PXDN: variants seen among roughly 807,000 people sequenced by gnomAD.
PXDN encodes peroxidasin.
Under a neutral mutation model 140.3 loss-of-function variants are expected in PXDN, and 77 were observed. The observed-to-expected ratio is 0.55, with a 90% CI of 0.46 to 0.66. The LOEUF (loss-of-function observed/expected upper bound fraction) is 0.66, where lower values mean the gene tolerates loss of function less well. PXDN is among the 30% of genes least tolerant of loss of function. The pLI is 0.00. For missense variants in PXDN, 1,838 were observed against 2,039.5 expected (o/e 0.90, Z 1.90); for synonymous variants, 911 against 857.4 (o/e 1.06, Z -1.09).
At chr2:1,636,892 T>C (rs1030954788) in intron 21 of PXDN, 1 of 152,128 alleles carries the variant, frequency 6.6e-6, no homozygotes, top group African/African-American at 2.4e-5. Context: ...GTCACCAAGA[T>C]ACACGAACAC....
At chr2:1,659,990 G>A (rs541810160) in intron 14 of PXDN, among the ~76,000 whole-genome samples, 47 of 152,340 alleles carry the variant, frequency 3.1e-4, no homozygotes, top group African/African-American at 1.0e-3. Flanking sequence ...GCCAGCGCCT[G>A]CGGGGAGTGG....
chr2:1,739,215 G>A (rs554201720), intron 1 of PXDN, among the ~76,000 whole-genome samples: 12 of 152,260 alleles, frequency 7.9e-5, no homozygotes, highest in Middle Eastern at 3.4e-3. Context: ...CTTGTGCACT[G>A]AGTCACGCAT....
intron 17 of PXDN, among the ~76,000 whole-genome samples, chr2:1,645,504 GACC>G (rs1682830125): frequency 6.6e-6 from 1 of 152,050 alleles, no homozygotes; most frequent in Non-Finnish European, 1.5e-5. Flanking sequence ...TCAAATCAGT[GACC>G]ACCAACTGAA....
chr2:1,699,690 A>C (rs1684377024), intron 1 of PXDN, among the ~76,000 whole-genome samples: 1 of 152,212 alleles, frequency 6.6e-6, no homozygotes, highest in East Asian at 1.9e-4. Flanking sequence ...AGCCTGGGCA[A>C]CAAGAGCGAA....
At chr2:1,698,140 T>C (rs756108481) in intron 1 of PXDN, among the ~76,000 whole-genome samples, 9 of 152,244 alleles carry the variant, frequency 5.9e-5, no homozygotes, top group Non-Finnish European at 1.2e-4. Context: ...AAAGCACCAA[T>C]GACAGTAAGC....
intron 8 of PXDN, among the ~76,000 whole-genome samples, chr2:1,674,925 C>T (rs941982883): frequency 2.0e-5 from 3 of 152,216 alleles, no homozygotes; most frequent in African/African-American, 7.2e-5. Flanking sequence ...GCAGGAGGAG[C>T]AGCACCAGCA....
At chr2:1,718,995 G>T (rs1387993011) in intron 1 of PXDN, among the ~76,000 whole-genome samples, 1 of 152,228 alleles carries the variant, frequency 6.6e-6, no homozygotes, top group African/African-American at 2.4e-5. Flanking sequence ...GCACACCCAG[G>T]ACACGCTGAC....
chr2:1,692,698 A>AGCACTGT, intron 2 of PXDN: 1 of 448,968 alleles, frequency 2.2e-6, no homozygotes, highest in South Asian at 1.7e-5. Flanking sequence ...ACTCAGAAGA[A>AGCACTGT]GCACTGTCCT....
At chr2:1,727,710 C>A (rs1000279839) in intron 1 of PXDN, among the ~76,000 whole-genome samples, 1 of 152,248 alleles carries the variant, frequency 6.6e-6, no homozygotes, top group East Asian at 1.9e-4. Context: ...CCCTGTGAGT[C>A]AATCGCCGAG....
intron 6 of PXDN, among the ~76,000 whole-genome samples, chr2:1,681,529 G>T (rs754329747): frequency 1.3e-5 from 2 of 151,426 alleles, no homozygotes; most frequent in Non-Finnish European, 2.9e-5. Flanking sequence ...GGGCGGCAGC[G>T]TGAGGGCATC....
chr2:1,654,542 A>G, intron 14 of PXDN, 34 bp from the exon 15 acceptor site: 1 of 1,404,448 alleles, frequency 7.1e-7, no homozygotes, highest in Non-Finnish European at 1.0e-6. Flanking sequence ...TTACCAGGAA[A>G]AATACTGCAC....
intron 1 of PXDN, among the ~76,000 whole-genome samples, chr2:1,716,719 C>G (rs1433299416): frequency 6.6e-6 from 1 of 152,124 alleles, no homozygotes; most frequent in Non-Finnish European, 1.5e-5. Flanking sequence ...GGGCCTTATG[C>G]CCTGGTGGTA....
intron 21 of PXDN, among the ~76,000 whole-genome samples, chr2:1,638,589 T>G (rs1365184646): frequency 6.6e-6 from 1 of 152,148 alleles, no homozygotes; most frequent in Non-Finnish European, 1.5e-5. Flanking sequence ...GTCACCTGGC[T>G]GGCAGTCACA....
At position 1,685,246 on chromosome 2, in the gene PXDN, G is replaced by A. The variant is rs373298304; in HGVS notation, c.417-1095C>T. 1.8e-4 allele frequency among the ~76,000 whole-genome samples: 28 copies of A among 152,334 alleles called. 1 individual carries two copies. The highest frequency in any genetic ancestry group is 5.3e-4 in the African/African-American group (22 of 41,572). On this transcript the variant is annotated intron_variant, in intron 4 of 22. Transcript: ENST00000252804. The surrounding 1 kb of genome is among the most constrained non-coding windows in gnomAD (Gnocchi z 5.1). ...GCAGACCATCCCTGCCCCTTGCCCC[G>A]GGACAGGTCTGTGCTCAGCACTCCG...
rs968468907 is a variant in PXDN at position 1,739,100 on chromosome 2, C to T, written c.200+5156G>A. ...TCCATGGCCCCGGAAGGTAGTCATG[C>T]GCTCCAGACCCAGTGGCAAGGCCTC... is the stretch of plus-strand genomic sequence containing the variant. On this transcript the variant is annotated intron_variant, in intron 1 of 22. Transcript: ENST00000252804. Among the ~76,000 whole-genome samples the T allele has an allele frequency of 4.6e-5, 7 of 152,230 alleles. No homozygotes were observed. In the East Asian group the frequency reaches 7.7e-4, roughly 17 times the overall value.
At position 1,647,358 on chromosome 2, in the gene PXDN, C is replaced by T. The variant is rs575039073; in HGVS notation, c.3608+814G>A. 4.9e-3 allele frequency among the ~76,000 whole-genome samples: 745 copies of T among 152,300 alleles called. 6 individuals are homozygous for T. Among genetic ancestry groups the T allele is most frequent in the African/African-American group, 0.017 (714 of 41,548 alleles). ...GTTAATGAGAACCCCACTGTGGCACCGAGTCCTGGGAAGGGGACTGGCTAT... is the reference window on the plus strand; with the variant it reads ...GTTAATGAGAACCCCACTGTGGCACTGAGTCCTGGGAAGGGGACTGGCTAT... On this transcript the variant is annotated intron_variant, in intron 17 of 22. Coordinates refer to ENST00000252804, the MANE Select transcript of PXDN (RefSeq NM_012293.3).
intron 1 of PXDN, among the ~76,000 whole-genome samples, chr2:1,740,642 G>C (rs763370554): frequency 2.0e-5 from 3 of 151,718 alleles, no homozygotes; most frequent in Non-Finnish European, 2.9e-5. Context: ...CCCATACCCC[G>C]TCCCACCAGG....
At chr2:1,679,821 G>A (rs1467316722) in intron 7 of PXDN, among the ~76,000 whole-genome samples, 1 of 132,762 alleles carries the variant, frequency 7.5e-6, no homozygotes, top group Non-Finnish European at 1.6e-5. Flanking sequence ...GTGTGTAAAT[G>A]GTGTGTGTGT....
intron 3 of PXDN, among the ~76,000 whole-genome samples, chr2:1,690,220 A>G (rs955324661): frequency 5.3e-5 from 8 of 152,292 alleles, no homozygotes; most frequent in Middle Eastern, 6.8e-3. Flanking sequence ...CCTGGTCTTT[A>G]GTCCGTTTCT....
Sources: allele counts gnomAD v4.1 joint callset (sites outside exome capture counted in the v4.1 genomes callset), GRCh38; gene constraint gnomAD v4.1.1; non-coding constraint Gnocchi (gnomAD v3.1); transcripts MANE v1.5; gene names NCBI Gene and HGNC (gene_info 2026-07-23, HGNC 2026-07-21).